Variants in PHC3 observed in about 807,000 individuals in gnomAD.
PHC3 encodes the protein polyhomeotic homolog 3, also known as polyhomeotic-like protein 3.
A neutral mutation model predicts 107.4 loss-of-function variants in PHC3; 13 were observed. The observed-to-expected ratio is 0.12, with a 90% CI of 0.08 to 0.19. The LOEUF is 0.19. Among genes scored for constraint, PHC3 ranks in the 10% least tolerant of loss-of-function variants. The pLI is 1.00. For synonymous variants in PHC3, 456 were observed against 427.4 expected, an observed-to-expected ratio of 1.07 and a Z score of -0.83; for missense variants, 992 against 1,210.9, an observed-to-expected ratio of 0.82 and a Z score of 2.68.
chr3:170,128,141 AT>A (rs552687988), intron 8 of PHC3, among the ~76,000 whole-genome samples: 15 of 150,500 alleles, frequency 1.0e-4, no homozygotes, highest in Admixed American at 2.0e-4. Flanking sequence ...TCCTAGAATA[AT>A]TTTTTTTTTA....
intron 7 of PHC3, among the ~76,000 whole-genome samples, chr3:170,129,861 G>A (rs760806975): frequency 2.0e-5 from 3 of 152,104 alleles, no homozygotes; most frequent in East Asian, 1.9e-4. Context: ...TACCACACCC[G>A]GCTAACTTCT....
Position 170,149,187 on chromosome 3 carries a change from T to C in PHC3, c.472A>G (p.Ser158Gly). 1 of 1,613,242 alleles carries C rather than the reference T, an allele frequency of 6.2e-7. No homozygotes were observed. The highest frequency in any genetic ancestry group is 8.5e-7 in the Non-Finnish European group (1 of 1,179,778). Residue 158 changes from serine to glycine, a missense_variant, in exon 5 of 15, where the codon AGT becomes GGT. This residue lies in a region of PHC3 where 35 missense variants were observed against 73.6 expected (regional missense o/e 0.48). Transcript: ENST00000495893. ...AQLISRSQAS[S>G]STSGSITQQT... ...TGGGTAATACTGCCGCTGGTAGAAC[T>C]GGAAGCCTGGGAACGGCTTATTAAC...
intron 14 of PHC3, 29 bp downstream of exon 14, chr3:170,102,450 T>C (rs1434873782): frequency 6.2e-7 from 1 of 1,601,754 alleles, no homozygotes; most frequent in Admixed American, 1.7e-5. Flanking sequence ...ACAAGAAAAA[T>C]ATTAAGGCCA....
intron 8 of PHC3, among the ~76,000 whole-genome samples, chr3:170,123,563 TG>T (rs1230923174): frequency 6.6e-6 from 1 of 151,714 alleles, no homozygotes; most frequent in East Asian, 2.0e-4. Flanking sequence ...CTGAGGTGGG[TG>T]GATCACCGGA....
In PHC3 at chr3:170,094,736, T is replaced by C. The variant is rs1315089401; in HGVS notation, c.*2494A>G. ...TTGAAAAAAGCAAGTGCATATTTTGTGTATGTTTTGAGTGGGGACAACAGA... is the reference window on the plus strand; with the variant it reads ...TTGAAAAAAGCAAGTGCATATTTTGCGTATGTTTTGAGTGGGGACAACAGA... On this transcript the variant is annotated 3_prime_UTR_variant, in exon 15 of 15. Coordinates refer to ENST00000495893, the MANE Select transcript of PHC3 (RefSeq NM_024947.4). 1 of 152,154 alleles carries C rather than the reference T, an allele frequency of 6.6e-6. No individual in the cohort carries two copies. The highest frequency in any genetic ancestry group is 1.5e-5 in the Non-Finnish European group (1 of 68,018). The allele number at this position is 152,154 out of a possible 1,614,324, so 9.4% of individuals were successfully genotyped here.
chr3:170,128,875 T>C lies in PHC3; in HGVS notation c.1597A>G (p.Met533Val), dbSNP rs375861003. 7.4e-6 allele frequency: 12 copies of C among 1,613,892 alleles called. No homozygotes were observed. Among genetic ancestry groups the C allele is most frequent in the African/African-American group, 4.0e-5 (3 of 74,932 alleles). The change falls in exon 8 of 15, where the codon ATG (methionine) becomes GTG (valine). Residue 533 changes from methionine (M) to valine (V), a missense_variant. This residue lies in a region of PHC3 where 543 missense variants were observed against 590.8 expected (regional missense o/e 0.92). Coordinates refer to ENST00000495893, the MANE Select transcript of PHC3 (RefSeq NM_024947.4). The part of the protein sequence containing the change: ...AQIPPLPLQS[M>V]QSLQVQPEIL... ...TCAGGCTGCACTTGTAAAGACTGCATAGACTGCAAGGGCAGTGGTGGAATC... is the reference window on the plus strand; with the variant it reads ...TCAGGCTGCACTTGTAAAGACTGCACAGACTGCAAGGGCAGTGGTGGAATC...
chr3:170,119,936 G>C (rs1422066127), intron 9 of PHC3, among the ~76,000 whole-genome samples: 1 of 152,080 alleles, frequency 6.6e-6, no homozygotes, highest in African/African-American at 2.4e-5. Context: ...ATTGTACTTT[G>C]ACAATTTAGC....
chr3:170,164,508 T>C (rs1728424407), intron 4 of PHC3, among the ~76,000 whole-genome samples: 1 of 152,026 alleles, frequency 6.6e-6, no homozygotes, highest in South Asian at 2.1e-4. Context: ...TGACAAGAAT[T>C]CTGCTTCCAA....
intron 3 of PHC3, 63 bp from the exon 4 acceptor site, chr3:170,171,513 CATG>C (rs1225040820): frequency 1.8e-6 from 2 of 1,138,040 alleles, no homozygotes; most frequent in Non-Finnish European, 2.5e-6. Context: ...TTTCTGGTAC[CATG>C]ATAACACAAA....
rs1232712016 is a variant in PHC3, at chr3:170,088,997, C to G, written c.*8233G>C. 1 of 152,152 alleles carries G rather than the reference C, an allele frequency of 6.6e-6. No homozygotes were observed. The highest frequency in any genetic ancestry group is 2.4e-5 in the African/African-American group (1 of 41,412). 9.4% of individuals were successfully genotyped at this position (152,152 alleles called of 1,614,324 possible). On this transcript the variant is annotated 3_prime_UTR_variant, in exon 15 of 15. Transcript: ENST00000495893. ...CCTGGCCAACATGGTGAAACCCCAT[C>G]TCTACTAAAAATACAAAAAACTGGC...
chr3:170,115,465 AT>A (rs1003529769), intron 10 of PHC3, among the ~76,000 whole-genome samples: 1 of 152,196 alleles, frequency 6.6e-6, no homozygotes, highest in African/African-American at 2.4e-5. Context: ...CACAATACAT[AT>A]GTATACACAT....
At chr3:170,142,024 T>A (rs1032674912) in intron 6 of PHC3, among the ~76,000 whole-genome samples, 5 of 152,246 alleles carry the variant, frequency 3.3e-5, no homozygotes, top group Admixed American at 1.3e-4. Flanking sequence ...CAGCTTGTGA[T>A]ATCTTATGTG....
At position 170,128,892 on chromosome 3, in the gene PHC3, G is replaced by T. The variant is rs1721785352; in HGVS notation, c.1580C>A (p.Pro527Gln). The change falls in exon 8 of 15, where the codon CCA (proline) becomes CAA (glutamine). Residue 527 changes from proline to glutamine, a missense_variant. Transcript: ENST00000495893. The part of the protein sequence containing the change: ...MSTSPPAQIP[P>Q]LPLQSMQSLQ... ...AGACTGCATAGACTGCAAGGGCAGT[G>T]GTGGAATCTGAGCTGGAGGAGATGT... 6.2e-7 allele frequency: 1 copy of T among 1,613,896 alleles called. No homozygotes were observed. The highest frequency in any genetic ancestry group is 1.3e-5 in the African/African-American group (1 of 74,922).
chr3:170,169,063 G>T lies in PHC3; in HGVS notation c.414+2310C>A, dbSNP rs547087865. 8.0e-3 allele frequency among the ~76,000 whole-genome samples: 1,219 copies of T among 151,516 alleles called. 7 individuals carry two copies. Among genetic ancestry groups the T allele is most frequent in the Non-Finnish European group, 0.012 (839 of 67,916 alleles). On this transcript the variant is annotated intron_variant, in intron 4 of 14. Coordinates refer to ENST00000495893, the MANE Select transcript of PHC3 (RefSeq NM_024947.4). ...ACACTCCTCCTTTGAATGTCATGTT[G>T]GTGTGCAAAAATTTCAGATTTTAGA...
Position 170,091,702 on chromosome 3 carries a change from T to C in PHC3, c.*5528A>G, listed in dbSNP as rs1486520407. On this transcript the variant is annotated 3_prime_UTR_variant, in exon 15 of 15. Transcript: ENST00000495893. ...AATGTATGTTTTCTAAATTGAAAGT[T>C]TAGAAAAAGCCATATTCTCTGGAAT... 6.6e-6 allele frequency: 1 copy of C among 152,126 alleles called. No homozygotes were observed. The highest frequency in any genetic ancestry group is 1.5e-5 in the Non-Finnish European group (1 of 68,018). 9.4% of individuals were successfully genotyped at this position (152,126 alleles called of 1,614,324 possible).
At chr3:170,130,102 G>T (rs1157670298) in intron 7 of PHC3, among the ~76,000 whole-genome samples, 1 of 152,148 alleles carries the variant, frequency 6.6e-6, no homozygotes, top group African/African-American at 2.4e-5. Context: ...TTAATAATCT[G>T]AATCTATACA....
chr3:170,142,341 T>C (rs1724244264), intron 6 of PHC3, among the ~76,000 whole-genome samples: 1 of 152,072 alleles, frequency 6.6e-6, no homozygotes. Context: ...AGATTCCGGC[T>C]CCAAAGTCCG....
At chr3:170,145,719 A>G (rs1257091516) in intron 5 of PHC3, among the ~76,000 whole-genome samples, 198 bp from the exon 6 acceptor site, 1 of 152,250 alleles carries the variant, frequency 6.6e-6, no homozygotes, top group Non-Finnish European at 1.5e-5. Context: ...AACATTTTTG[A>G]AACAGCTCAT....
intron 4 of PHC3, among the ~76,000 whole-genome samples, chr3:170,157,411 C>A (rs1051446576): frequency 1.2e-4 from 18 of 152,134 alleles, no homozygotes; most frequent in Non-Finnish European, 1.6e-4. Flanking sequence ...GAACTTAATA[C>A]CTTTTTTACT....
Sources: gnomAD v4.1 joint callset for allele counts (sites outside exome capture counted in the v4.1 genomes callset) on GRCh38, gnomAD v4.1.1 for gene constraint, gnomAD v4.1.1 regional missense constraint, MANE v1.5 for transcripts, NCBI Gene and HGNC (gene_info 2026-07-23, HGNC 2026-07-21) for gene names.